PROS1: variants seen among roughly 807,000 people sequenced by gnomAD.
The protein encoded by PROS1 is protein S, also known as vitamin K-dependent protein S.
A neutral mutation model predicts 75.9 loss-of-function variants in PROS1; 29 were observed. The ratio of observed to expected loss-of-function variants is 0.38; its 90% CI spans 0.28 to 0.52. The LOEUF (loss-of-function observed/expected upper bound fraction) is 0.52. PROS1 is among the 20% of genes least tolerant of loss of function. The pLI is 0.83. For synonymous variants in PROS1, 245 were observed against 280.6 expected, an observed-to-expected ratio of 0.87 and a Z score of 1.27; for missense variants, 680 against 810.3, an observed-to-expected ratio of 0.84 and a Z score of 1.95.
intron 1 of PROS1, among the ~76,000 whole-genome samples, chr3:93,966,768 C>T (rs1196789079): frequency 6.7e-6 from 1 of 149,778 alleles, no homozygotes; most frequent in Non-Finnish European, 1.5e-5. Context: ...GTCCCAGCCA[C>T]TCAGGAGGCT....
At chr3:93,949,741 C>T (rs1262197508) in intron 1 of PROS1, among the ~76,000 whole-genome samples, 1 of 152,138 alleles carries the variant, frequency 6.6e-6, no homozygotes, top group African/African-American at 2.4e-5. Flanking sequence ...CAAATAGGAA[C>T]AGCTTCAGTC....
At chr3:93,890,500 G>T (rs1407149395) in intron 10 of PROS1, among the ~76,000 whole-genome samples, 2 of 152,050 alleles carry the variant, frequency 1.3e-5, no homozygotes, top group Admixed American at 1.3e-4. Context: ...ATAAAAACTT[G>T]CTGGTTTTGT....
At chr3:93,953,644 G>A (rs1709543730) in intron 1 of PROS1, among the ~76,000 whole-genome samples, 1 of 150,618 alleles carries the variant, frequency 6.6e-6, no homozygotes, top group African/African-American at 2.4e-5. Flanking sequence ...AAAAATGGAA[G>A]CATTCCCTTT....
intron 6 of PROS1, among the ~76,000 whole-genome samples, 188 bp downstream of exon 6, chr3:93,905,596 C>A (rs1708660582): frequency 6.6e-6 from 1 of 152,142 alleles, no homozygotes; most frequent in African/African-American, 2.4e-5. Flanking sequence ...CAGAGTGAGA[C>A]CCTATCTCTC....
intron 2 of PROS1, among the ~76,000 whole-genome samples, chr3:93,924,550 C>CT (rs1297183805): frequency 2.0e-5 from 3 of 151,864 alleles, no homozygotes; most frequent in Admixed American, 6.6e-5. Flanking sequence ...CATACATGCC[C>CT]TTTTTTGTAC....
intron 6 of PROS1, among the ~76,000 whole-genome samples, chr3:93,902,178 G>T (rs1708606298): frequency 6.6e-6 from 1 of 152,102 alleles, no homozygotes; most frequent in Admixed American, 6.6e-5. Flanking sequence ...GTGGTGGCAT[G>T]TGTTCTTGTT....
At chr3:93,939,072 C>T (rs1041501439) in intron 1 of PROS1, among the ~76,000 whole-genome samples, 1 of 152,124 alleles carries the variant, frequency 6.6e-6, no homozygotes, top group Non-Finnish European at 1.5e-5. Flanking sequence ...AACTTAAAAT[C>T]TCTTCAACTC....
At chr3:93,967,061 C>T (rs988140964) in intron 1 of PROS1, among the ~76,000 whole-genome samples, 1 of 152,168 alleles carries the variant, frequency 6.6e-6, no homozygotes, top group Non-Finnish European at 1.5e-5. Flanking sequence ...AAAAAGGAAG[C>T]CACAGTGGCA....
rs148460671 is a variant in PROS1, at chr3:93,963,451, T to A, written c.76+10223A>T. On this transcript the variant is annotated intron_variant, in intron 1 of 14. Transcript: ENST00000394236. ...CCCTCAAACCCCCTCATTGGTCTCATAAGAAGAGATCTATGACCAACTAAT... is the reference window on the plus strand; with the variant it reads ...CCCTCAAACCCCCTCATTGGTCTCAAAAGAAGAGATCTATGACCAACTAAT... Among the ~76,000 whole-genome samples the A allele has an allele frequency of 2.2e-3, 331 of 152,284 alleles. 3 individuals are homozygous for A. The highest frequency in any genetic ancestry group is 7.6e-3 in the African/African-American group (316 of 41,562).
intron 6 of PROS1, among the ~76,000 whole-genome samples, chr3:93,902,113 C>A (rs182496999): frequency 6.6e-6 from 1 of 151,622 alleles, no homozygotes; most frequent in Non-Finnish European, 1.5e-5. Context: ...CATGGTGGAA[C>A]CCCACTTCTA....
chr3:93,932,524 G>A (rs191543892), intron 1 of PROS1, among the ~76,000 whole-genome samples: 250 of 152,226 alleles, frequency 1.6e-3, no homozygotes, highest in Non-Finnish European at 2.5e-3. Context: ...AAGATAAGAA[G>A]TACAACTGAG....
chr3:93,900,835 G>A lies in PROS1; in HGVS notation c.696C>T (p.Tyr232=). Reference sequence around the variant, plus strand: ...AAGACTTTGATTTGAGATTATATCTGTAGCCTTCGGGGCATTCACATTCAA... The same window carrying A: ...AAGACTTTGATTTGAGATTATATCTATAGCCTTCGGGGCATTCACATTCAA... ...GDFECECPEG[Y]RYNLKSKSCE... The change falls in exon 7 of 15, where the codon TAC becomes TAT. Residue 232 remains tyrosine (Y), a synonymous_variant. Coordinates refer to ENST00000394236, the MANE Select transcript of PROS1 (RefSeq NM_000313.4). 1 of 1,613,652 alleles carries A rather than the reference G, an allele frequency of 6.2e-7. No homozygotes were observed. The highest frequency in any genetic ancestry group is 8.5e-7 in the Non-Finnish European group (1 of 1,179,902).
chr3:93,892,015 G>A (rs954239603), intron 10 of PROS1, among the ~76,000 whole-genome samples: 9 of 151,954 alleles, frequency 5.9e-5, no homozygotes, highest in African/African-American at 1.9e-4. Context: ...AGTTTTCCTT[G>A]ATCAGTGTTG....
intron 14 of PROS1, among the ~76,000 whole-genome samples, chr3:93,874,753 T>C (rs911129658): frequency 2.6e-5 from 4 of 152,162 alleles, no homozygotes; most frequent in African/African-American, 9.6e-5. Flanking sequence ...AGCAACAGTT[T>C]AAGCATTGTT....
intron 2 of PROS1, among the ~76,000 whole-genome samples, chr3:93,925,845 CT>C (rs950810622): frequency 7.2e-6 from 1 of 139,394 alleles, no homozygotes; most frequent in Non-Finnish European, 1.6e-5. Flanking sequence ...AAAAAAGTAA[CT>C]TTTTTTTTCA....
intron 1 of PROS1, among the ~76,000 whole-genome samples, chr3:93,972,773 C>A (rs1238715346): frequency 6.6e-6 from 1 of 151,950 alleles, no homozygotes; most frequent in South Asian, 2.1e-4. Context: ...CACTTGAAGC[C>A]GGGGGGCGGA....
At chr3:93,892,343 T>G (rs1049834335) in intron 10 of PROS1, among the ~76,000 whole-genome samples, 1 of 129,034 alleles carries the variant, frequency 7.7e-6, no homozygotes, top group African/African-American at 3.0e-5. Flanking sequence ...AAAAAAAATA[T>G]GCTAGCCGCG....
At position 93,876,369 on chromosome 3, in the gene PROS1, G is replaced by A. The variant is rs549241351; in HGVS notation, c.1870+597C>T. On this transcript the variant is annotated intron_variant, in intron 14 of 14. Transcript: ENST00000394236. Reference sequence around the variant, plus strand: ...TTTGGGAGGCCGAGGCGAGCGGATCGCAAGGTCAGGAGATCAAGACCATCC... The same window carrying A: ...TTTGGGAGGCCGAGGCGAGCGGATCACAAGGTCAGGAGATCAAGACCATCC... Among the ~76,000 whole-genome samples the A allele has an allele frequency of 3.4e-4, 52 of 151,974 alleles. 1 individual carries two copies. Among genetic ancestry groups the A allele is most frequent in the African/African-American group, 1.3e-3 (52 of 41,472 alleles).
At chr3:93,973,558 C>T (rs1377998952) in intron 1 of PROS1, 116 bp downstream of exon 1, 7 of 1,084,236 alleles carry the variant, frequency 6.5e-6, no homozygotes, top group Non-Finnish European at 9.7e-6. Context: ...TCTGTCGGTA[C>T]TTACTGGAAA....
Sources: gnomAD v4.1 joint callset for allele counts (sites outside exome capture counted in the v4.1 genomes callset) on GRCh38, gnomAD v4.1.1 for gene constraint, MANE v1.5 for transcripts, NCBI Gene and HGNC (gene_info 2026-07-23, HGNC 2026-07-21) for gene names.